SUGCT: variants seen among roughly 807,000 people sequenced by gnomAD.
SUGCT encodes the protein succinyl-CoA:glutarate CoA-transferase.
SUGCT carries 41 observed loss-of-function variants against 55.0 expected under a neutral mutation model. That is an observed-to-expected ratio of 0.74 (90% CI 0.58 to 0.97). The LOEUF (loss-of-function observed/expected upper bound fraction) is 0.97. Among genes scored for constraint, SUGCT ranks in the 50% least tolerant of loss-of-function variants. The pLI is 0.00. For synonymous variants in SUGCT, 187 were observed against 200.4 expected (o/e 0.93, Z 0.56); for missense variants, 568 against 547.8 (o/e 1.04, Z -0.37).
chr7:40,343,054 G>A (rs1797135111), intron 9 of SUGCT, among the ~76,000 whole-genome samples: 1 of 152,082 alleles, frequency 6.6e-6, no homozygotes, highest in African/African-American at 2.4e-5. Flanking sequence ...GTGAAGTAAT[G>A]ACTGTTGGTG....
chr7:40,754,101 GT>G (rs895489014), intron 13 of SUGCT, among the ~76,000 whole-genome samples: 102 of 152,246 alleles, frequency 6.7e-4, no homozygotes, highest in African/African-American at 2.4e-3. Flanking sequence ...CTAAGTGTGA[GT>G]TTTAGTTATG....
intron 9 of SUGCT, among the ~76,000 whole-genome samples, chr7:40,447,960 A>C (rs2151425315): frequency 6.6e-6 from 1 of 152,248 alleles, no homozygotes; most frequent in Non-Finnish European, 1.5e-5. Flanking sequence ...CTGTGATCAT[A>C]TGTGGAGAAA....
the SUGCT span, among the ~76,000 whole-genome samples, chr7:41,035,131 A>T: frequency 3.3e-5 from 5 of 152,222 alleles, no homozygotes; most frequent in East Asian, 9.6e-4. Context: ...CCCAGTGCAC[A>T]CAGGCCAAGG....
intron 12 of SUGCT, among the ~76,000 whole-genome samples, chr7:40,725,927 G>A (rs557188259): frequency 6.6e-6 from 1 of 152,168 alleles, no homozygotes; most frequent in South Asian, 2.1e-4. Flanking sequence ...GAGAGGGATG[G>A]CAAAGAGCTC....
chr7:40,385,948 T>G (rs1047310227), intron 9 of SUGCT, among the ~76,000 whole-genome samples: 2 of 152,240 alleles, frequency 1.3e-5, no homozygotes, highest in Non-Finnish European at 2.9e-5. Flanking sequence ...ATCCAGATGC[T>G]TAAGCAGATT....
chr7:40,573,447 T>G (rs1191897606), intron 12 of SUGCT, among the ~76,000 whole-genome samples: 1 of 151,824 alleles, frequency 6.6e-6, no homozygotes, highest in African/African-American at 2.4e-5. Flanking sequence ...CTTACCCAGG[T>G]GTGACTTAAT....
At chr7:40,713,769 T>C (rs1785858023) in intron 12 of SUGCT, among the ~76,000 whole-genome samples, 1 of 152,070 alleles carries the variant, frequency 6.6e-6, no homozygotes, top group African/African-American at 2.4e-5. Context: ...GTGTAGAAAA[T>C]TGTTTGGATT....
intron 13 of SUGCT, among the ~76,000 whole-genome samples, chr7:40,832,569 T>G (rs901581973): frequency 1.2e-4 from 18 of 151,176 alleles, no homozygotes; most frequent in African/African-American, 3.4e-4. Context: ...TTTGTTTTTT[T>G]TTTTTCCCGG....
At chr7:40,257,187 G>A (rs1790867821) in intron 7 of SUGCT, among the ~76,000 whole-genome samples, 1 of 152,090 alleles carries the variant, frequency 6.6e-6, no homozygotes, top group Admixed American at 6.6e-5. Context: ...TGAATTACAG[G>A]CATGTGCCAC....
intron 12 of SUGCT, 127 bp from the exon 13 acceptor site, chr7:40,749,307 T>C (rs1787888833): frequency 2.6e-6 from 2 of 755,110 alleles, no homozygotes; most frequent in Non-Finnish European, 2.3e-6. Context: ...CAAATGAAAA[T>C]GTTAAACACT....
At chr7:40,638,027 G>A (rs772556948) in intron 12 of SUGCT, among the ~76,000 whole-genome samples, 9 of 152,160 alleles carry the variant, frequency 5.9e-5, no homozygotes, top group Non-Finnish European at 1.0e-4. Flanking sequence ...CATATGTGGT[G>A]CATTTTATCT....
intron 6 of SUGCT, among the ~76,000 whole-genome samples, chr7:40,227,706 G>A (rs1008185880): frequency 2.6e-5 from 4 of 151,336 alleles, no homozygotes; most frequent in East Asian, 3.9e-4. Flanking sequence ...TAAATATTTC[G>A]GGATATATCT....
intron 7 of SUGCT, among the ~76,000 whole-genome samples, chr7:40,267,037 CA>C (rs71750843): frequency 1.2e-5 from 1 of 86,746 alleles, no homozygotes; most frequent in Non-Finnish European, 2.4e-5. Context: ...AACAAACAAA[CA>C]AAAAAAAAAA....
the SUGCT span, among the ~76,000 whole-genome samples, chr7:40,898,130 C>G: frequency 6.6e-6 from 1 of 152,042 alleles, no homozygotes; most frequent in African/African-American, 2.4e-5. Context: ...CTCGTGAAGC[C>G]AGCAAGACCA....
At chr7:40,457,776 A>G (rs1017376792) in intron 10 of SUGCT, among the ~76,000 whole-genome samples, 4 of 152,288 alleles carry the variant, frequency 2.6e-5, no homozygotes, top group African/African-American at 9.6e-5. Flanking sequence ...TCACTGTGTA[A>G]TTTTTTGTTG....
At position 40,265,674 on chromosome 7, in the gene SUGCT, G is replaced by A. The variant is rs189828066; in HGVS notation, c.577-8839G>A. On this transcript the variant is annotated intron_variant, in intron 7 of 13. Transcript: ENST00000335693. The stretch of plus-strand genomic sequence containing the variant: ...GAAACAAACAAAAAAAAAACCTTTG[G>A]CTGGTTGCAGTGACTCAGGCCTGTA... 2.0e-5 allele frequency among the ~76,000 whole-genome samples: 3 copies of A among 152,222 alleles called. No homozygotes were observed. In the South Asian group the frequency reaches 6.2e-4, roughly 32 times the overall value.
At chr7:40,261,260 G>T (rs376536400) in intron 7 of SUGCT, among the ~76,000 whole-genome samples, 79 of 152,270 alleles carry the variant, frequency 5.2e-4, no homozygotes, top group Non-Finnish European at 1.0e-3. Context: ...TCATATCAGA[G>T]AAGAGGTTTT....
intron 1 of SUGCT, 145 bp downstream of exon 1, chr7:40,135,265 C>G (rs1787617815): frequency 9.2e-7 from 1 of 1,081,806 alleles, no homozygotes; most frequent in African/African-American, 1.7e-5. Flanking sequence ...AACCCCGTTC[C>G]GTGGGCCTGC....
At chr7:40,670,072 G>A (rs1801855859) in intron 12 of SUGCT, among the ~76,000 whole-genome samples, 1 of 148,912 alleles carries the variant, frequency 6.7e-6, no homozygotes, top group Admixed American at 6.8e-5. Context: ...TTCCTACAGA[G>A]GAAATACAAT....
Sources: allele counts gnomAD v4.1 joint callset (sites outside exome capture counted in the v4.1 genomes callset), GRCh38; gene constraint gnomAD v4.1.1; transcripts MANE v1.5; gene names NCBI Gene and HGNC (gene_info 2026-07-23, HGNC 2026-07-21).